The following ZNF469 variants were observed in gnomAD, a reference collection of about 807,000 sequenced individuals.
The protein encoded by ZNF469 is zinc finger protein 469.
A neutral mutation model predicts 1.0 loss-of-function variants in ZNF469; 1 was observed. The ratio of observed to expected loss-of-function variants is 1.00; its 90% CI spans 0.35 to 4.73. ZNF469 has a LOEUF of 4.73. Ranked by LOEUF, ZNF469 falls within the 30% of genes most tolerant of loss-of-function variation. The pLI, the probability that ZNF469 is intolerant of heterozygous loss-of-function variation, is 0.16. For synonymous variants in ZNF469, 2,703 were observed against 2,363.4 expected, an observed-to-expected ratio of 1.14 and a Z score of -4.17; for missense variants, 6,100 against 5,356.3, an observed-to-expected ratio of 1.14 and a Z score of -4.33.
chr16:88,131,256 C>A, the ZNF469 span, among the ~76,000 whole-genome samples: 1 of 152,208 alleles, frequency 6.6e-6, no homozygotes, highest in Non-Finnish European at 1.5e-5. Context: ...CTTTTCTCAG[C>A]CAGGGACTGT....
the ZNF469 span, among the ~76,000 whole-genome samples, chr16:88,228,496 C>G: frequency 6.6e-6 from 1 of 152,346 alleles, no homozygotes; most frequent in African/African-American, 2.4e-5. Flanking sequence ...GTGGTTTACT[C>G]TCTACTCTCA....
chr16:88,240,914 A>G, the ZNF469 span, among the ~76,000 whole-genome samples: 1 of 151,944 alleles, frequency 6.6e-6, no homozygotes, highest in African/African-American at 2.4e-5. Context: ...GGTAAGAGAC[A>G]CACAAGCCAC....
chr16:88,323,918 C>T, the ZNF469 span, among the ~76,000 whole-genome samples: 1 of 152,252 alleles, frequency 6.6e-6, no homozygotes, highest in Non-Finnish European at 1.5e-5. Context: ...CATTTCACCC[C>T]TCCCAGTTCC....
the ZNF469 span, among the ~76,000 whole-genome samples, chr16:88,289,545 A>G: frequency 1.6e-4 from 25 of 152,170 alleles, no homozygotes; most frequent in Non-Finnish European, 3.4e-4. Flanking sequence ...TGCTTCACCT[A>G]AATTAGCTCA....
chr16:88,385,035 A>G (rs2092534072), intron 1 of ZNF469, among the ~76,000 whole-genome samples: 1 of 152,138 alleles, frequency 6.6e-6, no homozygotes, highest in Admixed American at 6.5e-5. Flanking sequence ...TAATTTTAAT[A>G]GGGATGGTCT....
At chr16:88,145,524 G>C in the ZNF469 span, among the ~76,000 whole-genome samples, 2 of 152,278 alleles carry the variant, frequency 1.3e-5, no homozygotes, top group Non-Finnish European at 2.9e-5. Flanking sequence ...GTTTGCCGCT[G>C]TTGGTGCAGA....
At chr16:88,338,140 C>A in the ZNF469 span, among the ~76,000 whole-genome samples, 2 of 118,172 alleles carry the variant, frequency 1.7e-5, no homozygotes, top group Non-Finnish European at 1.7e-5. Flanking sequence ...CCTCTTAATG[C>A]GCAATGCAAC....
At chr16:88,257,106 A>G in the ZNF469 span, among the ~76,000 whole-genome samples, 298 of 118,454 alleles carry the variant, frequency 2.5e-3, 1 homozygote, top group African/African-American at 9.2e-3. Context: ...GCACCACCAT[A>G]CCCCACTAAT....
chr16:88,351,976 A>G, the ZNF469 span, among the ~76,000 whole-genome samples: 1 of 152,206 alleles, frequency 6.6e-6, no homozygotes, highest in South Asian at 2.1e-4. Flanking sequence ...CCCGAGGAGA[A>G]ATATGATGGT....
the ZNF469 span, among the ~76,000 whole-genome samples, chr16:88,269,207 G>C: frequency 6.6e-6 from 1 of 152,168 alleles, no homozygotes; most frequent in Non-Finnish European, 1.5e-5. Flanking sequence ...CACTTTCCAC[G>C]GCCGGCTGGG....
intron 1 of ZNF469, among the ~76,000 whole-genome samples, chr16:88,403,868 C>T (rs1904952358): frequency 6.6e-6 from 1 of 152,164 alleles, no homozygotes; most frequent in African/African-American, 2.4e-5. Context: ...CACTCCTCAG[C>T]CTGGTTCAAA....
chr16:88,243,946 ATATAT>A, the ZNF469 span, among the ~76,000 whole-genome samples: 1 of 119,240 alleles, frequency 8.4e-6, no homozygotes, highest in Non-Finnish European at 1.7e-5. Context: ...ATATATATAT[ATATAT>A]AAATGTATGT....
the ZNF469 span, among the ~76,000 whole-genome samples, chr16:88,149,863 T>A: frequency 1.8e-3 from 278 of 152,306 alleles, 1 homozygote; most frequent in African/African-American, 6.4e-3. Context: ...AACTCCTACT[T>A]ATCCTTCAAA....
the ZNF469 span, among the ~76,000 whole-genome samples, chr16:88,252,533 A>G: frequency 1.3e-5 from 2 of 151,816 alleles, no homozygotes; most frequent in Admixed American, 1.3e-4. Flanking sequence ...TATTTAAATC[A>G]TCACTGTTTA....
chr16:88,398,346 A>C (rs563663644), intron 1 of ZNF469, among the ~76,000 whole-genome samples: 30 of 151,608 alleles, frequency 2.0e-4, no homozygotes, highest in Non-Finnish European at 4.0e-4. Flanking sequence ...GGGTGAAGGG[A>C]CACGTGAGCC....
the ZNF469 span, among the ~76,000 whole-genome samples, chr16:88,123,005 T>C: frequency 5.3e-5 from 8 of 152,144 alleles, no homozygotes; most frequent in African/African-American, 1.9e-4. Context: ...GCAATTGTTA[T>C]ATTTTTGATA....
At chr16:88,288,400 T>C in the ZNF469 span, among the ~76,000 whole-genome samples, 2 of 152,208 alleles carry the variant, frequency 1.3e-5, no homozygotes, top group East Asian at 1.9e-4. Flanking sequence ...ATTTATCATA[T>C]TTGCCTTTGT....
intron 1 of ZNF469, among the ~76,000 whole-genome samples, chr16:88,401,711 GTAGA>G (rs2142274668): frequency 1.1e-5 from 1 of 87,424 alleles, no homozygotes; most frequent in Non-Finnish European, 2.5e-5. Flanking sequence ...GGATATATGG[GTAGA>G]TGGATGGGTG....
the ZNF469 span, among the ~76,000 whole-genome samples, chr16:88,206,572 A>G: frequency 6.6e-6 from 1 of 151,966 alleles, no homozygotes; most frequent in Non-Finnish European, 1.5e-5. Flanking sequence ...AAAAAAACAA[A>G]CAAACAAACA....
Sources: allele counts gnomAD v4.1 joint callset (sites outside exome capture counted in the v4.1 genomes callset), GRCh38; gene constraint gnomAD v4.1.1; transcripts MANE v1.5; gene names NCBI Gene and HGNC (gene_info 2026-07-23, HGNC 2026-07-21).